The following PCDH9 variants were observed in gnomAD, a reference collection of about 807,000 sequenced individuals.
PCDH9 encodes the protein protocadherin-9.
In PCDH9, 24 loss-of-function variants were observed where a neutral mutation model predicts 70.6. That is an observed-to-expected ratio of 0.34 (90% CI 0.25 to 0.48). The LOEUF (loss-of-function observed/expected upper bound fraction) is 0.48, where lower values mean the gene tolerates loss of function less well. PCDH9 is among the 20% of genes least tolerant of loss of function. PCDH9 has a pLI of 0.99. For synonymous variants in PCDH9, 562 were observed against 558.5 expected (o/e 1.01, Z -0.09); for missense variants, 1,281 against 1,503.6 (o/e 0.85, Z 2.45).
intron 4 of PCDH9, among the ~76,000 whole-genome samples, chr13:66,330,181 T>A (rs751410061): frequency 5.7e-4 from 87 of 152,254 alleles, no homozygotes; most frequent in Non-Finnish European, 1.1e-3. Flanking sequence ...CTTATTTTGA[T>A]AGTCTCTTCC....
At chr13:66,540,450 C>T (rs1339219018) in intron 4 of PCDH9, among the ~76,000 whole-genome samples, 1 of 152,022 alleles carries the variant, frequency 6.6e-6, no homozygotes, top group Non-Finnish European at 1.5e-5. Flanking sequence ...TGCATGAACA[C>T]CATAAGCAGA....
intron 3 of PCDH9, among the ~76,000 whole-genome samples, chr13:66,779,533 T>A (rs1461681714): frequency 6.6e-6 from 1 of 152,042 alleles, no homozygotes; most frequent in African/African-American, 2.4e-5. Flanking sequence ...TAAAAATATG[T>A]CCAATATGGC....
chr13:66,760,044 T>C (rs1036297487), intron 3 of PCDH9, among the ~76,000 whole-genome samples: 14 of 152,104 alleles, frequency 9.2e-5, no homozygotes, highest in Non-Finnish European at 1.8e-4. Flanking sequence ...GTGATGAACT[T>C]CCTAAGCTTT....
At chr13:67,032,571 G>A (rs260147) in intron 2 of PCDH9, among the ~76,000 whole-genome samples, 147,191 of 152,246 alleles carry the variant, frequency 0.97, 71,350 homozygotes, top group East Asian at 1. Flanking sequence ...TAACAAGAAA[G>A]TTACCTCCCT....
At chr13:66,343,113 C>A (rs1338601525) in intron 4 of PCDH9, among the ~76,000 whole-genome samples, 2 of 152,082 alleles carry the variant, frequency 1.3e-5, no homozygotes, top group Non-Finnish European at 2.9e-5. Context: ...ATATTTAATT[C>A]CATCAATAAA....
At chr13:67,158,889 T>C (rs1391522309) in intron 2 of PCDH9, among the ~76,000 whole-genome samples, 1 of 152,166 alleles carries the variant, frequency 6.6e-6, no homozygotes, top group Non-Finnish European at 1.5e-5. Flanking sequence ...TAAGCTACCA[T>C]GCTAAAATTA....
intron 3 of PCDH9, among the ~76,000 whole-genome samples, chr13:66,771,444 T>C (rs2079805558): frequency 6.6e-6 from 1 of 152,170 alleles, no homozygotes; most frequent in African/African-American, 2.4e-5. Flanking sequence ...TTGCCATGGT[T>C]CCTGCCCTCC....
intron 4 of PCDH9, among the ~76,000 whole-genome samples, chr13:66,604,875 AG>A (rs1326695280): frequency 5.3e-5 from 8 of 152,086 alleles, no homozygotes; most frequent in Admixed American, 4.6e-4. Context: ...CACTTTCTGT[AG>A]TATCTTTTTC....
chr13:66,983,690 CT>C (rs2083825651), intron 2 of PCDH9, among the ~76,000 whole-genome samples: 1 of 151,940 alleles, frequency 6.6e-6, no homozygotes, highest in South Asian at 2.1e-4. Flanking sequence ...TTAAAAAAAA[CT>C]TTTATTTTAG....
chr13:66,764,768 C>A (rs1008461159), intron 3 of PCDH9, among the ~76,000 whole-genome samples: 1 of 151,840 alleles, frequency 6.6e-6, no homozygotes, highest in African/African-American at 2.4e-5. Flanking sequence ...TACAACTTTG[C>A]GCCATTATTA....
chr13:67,133,779 A>G (rs2087164962), intron 2 of PCDH9, among the ~76,000 whole-genome samples: 1 of 152,116 alleles, frequency 6.6e-6, no homozygotes, highest in Non-Finnish European at 1.5e-5. Flanking sequence ...AAATCTTAAT[A>G]GTTAAGGTTT....
chr13:66,988,534 T>C lies in PCDH9; in HGVS notation c.3037-84929A>G, dbSNP rs564229038. 1.4e-4 allele frequency among the ~76,000 whole-genome samples: 21 copies of C among 152,136 alleles called. 1 individual carries two copies. In the South Asian group the frequency reaches 4.2e-3, roughly 30 times the overall value. ...GATGACACAGACTTTGGGATATTTA[T>C]TGAATTTTCATTATTGGAGAGTATT... On this transcript the variant is annotated intron_variant, in intron 2 of 4. Transcript: ENST00000377865.
At chr13:66,667,760 C>T (rs2078116427) in intron 3 of PCDH9, among the ~76,000 whole-genome samples, 1 of 151,978 alleles carries the variant, frequency 6.6e-6, no homozygotes, top group Non-Finnish European at 1.5e-5. Context: ...TAGTATTATG[C>T]ACAGTATTGT....
chr13:66,497,047 A>AT (rs1418916740), intron 4 of PCDH9, among the ~76,000 whole-genome samples: 2 of 151,482 alleles, frequency 1.3e-5, no homozygotes, highest in Non-Finnish European at 2.9e-5. Flanking sequence ...TTTGCAATGG[A>AT]TTTTTTAAAG....
chr13:66,898,227 A>G (rs1377235359), intron 3 of PCDH9, among the ~76,000 whole-genome samples: 1 of 152,070 alleles, frequency 6.6e-6, no homozygotes, highest in African/African-American at 2.4e-5. Flanking sequence ...ATATTTTAAT[A>G]TGTTAGGAGT....
At chr13:66,572,166 A>T (rs896568682) in intron 4 of PCDH9, among the ~76,000 whole-genome samples, 1 of 152,154 alleles carries the variant, frequency 6.6e-6, no homozygotes, top group Non-Finnish European at 1.5e-5. Flanking sequence ...GTAATAATCA[A>T]GTCAGGGTAA....
chr13:66,530,925 C>T (rs17081458), intron 4 of PCDH9, among the ~76,000 whole-genome samples: 35,939 of 151,770 alleles, frequency 0.24, 4,713 homozygotes, highest in South Asian at 0.34. Context: ...GATTTTCTCC[C>T]ATTTCCTCAG....
At chr13:67,032,338 A>AT (rs758290338) in intron 2 of PCDH9, among the ~76,000 whole-genome samples, 2 of 149,312 alleles carry the variant, frequency 1.3e-5, no homozygotes, top group Admixed American at 1.3e-4. Flanking sequence ...TTTTTTTTGC[A>AT]TTTTTTGTAG....
At chr13:66,572,454 A>G (rs896622529) in intron 4 of PCDH9, among the ~76,000 whole-genome samples, 4 of 152,102 alleles carry the variant, frequency 2.6e-5, no homozygotes, top group African/African-American at 9.7e-5. Context: ...ACAAGTGAGA[A>G]CATGTTATAT....
Sources: gnomAD v4.1 joint callset for allele counts (sites outside exome capture counted in the v4.1 genomes callset) on GRCh38, gnomAD v4.1.1 for gene constraint, MANE v1.5 for transcripts, NCBI Gene and HGNC (gene_info 2026-07-23, HGNC 2026-07-21) for gene names.